The following INTU variants were observed in gnomAD, a reference collection of about 807,000 sequenced individuals.
The protein encoded by INTU is protein inturned.
Under a neutral mutation model 100.5 loss-of-function variants are expected in INTU, and 68 were observed. That is an observed-to-expected ratio of 0.68 (90% CI 0.56 to 0.83). The LOEUF is 0.83. Ranked by LOEUF, INTU falls within the 40% of genes least tolerant of loss-of-function variation. INTU has a pLI of 0.00. For missense variants in INTU, 1,071 were observed against 1,114.7 expected (o/e 0.96, Z 0.56); for synonymous variants, 357 against 395.7 (o/e 0.90, Z 1.16).
chr4:127,719,318 C>T lies in INTU; in HGVS notation c.*2882C>T, dbSNP rs1440582811. ...TGCATATGTTGAACCAGCCTCACAT[C>T]CCGGGAATGAAGCCAACTTGATCGT... On this transcript the variant is annotated 3_prime_UTR_variant, in exon 16 of 16. Coordinates refer to ENST00000335251, the MANE Select transcript of INTU (RefSeq NM_015693.4). 1 of 152,208 alleles carries T rather than the reference C, an allele frequency of 6.6e-6. No individual in the cohort carries two copies. Among genetic ancestry groups the T allele is most frequent in the Non-Finnish European group, 1.5e-5 (1 of 68,044 alleles). The allele number at this position is 152,208 out of a possible 1,614,324, so 9.4% of individuals were successfully genotyped here. A position where few individuals can be genotyped will look rare whatever the true frequency, so the allele number is the denominator to read the frequency against.
chr4:127,670,191 TC>T (rs1006167936), intron 5 of INTU, among the ~76,000 whole-genome samples: 1 of 151,908 alleles, frequency 6.6e-6, no homozygotes, highest in African/African-American at 2.4e-5. Context: ...AAACAATTTT[TC>T]TTCCTTATTA....
intron 7 of INTU, 105 bp from the exon 8 acceptor site, chr4:127,687,573 G>A: frequency 1.3e-6 from 1 of 791,714 alleles, no homozygotes; most frequent in South Asian, 1.9e-5. Context: ...GAGGAGTGAG[G>A]AAGATAGCCT....
At chr4:127,689,203 C>G (rs1329383581) in intron 8 of INTU, among the ~76,000 whole-genome samples, 4 of 151,758 alleles carry the variant, frequency 2.6e-5, no homozygotes, top group Non-Finnish European at 5.9e-5. Context: ...AGGCTGGTCT[C>G]GAACTCCTGA....
At chr4:127,671,662 C>T (rs531870361) in intron 5 of INTU, among the ~76,000 whole-genome samples, 31 of 151,992 alleles carry the variant, frequency 2.0e-4, no homozygotes, top group African/African-American at 7.0e-4. Context: ...TACCTGCACT[C>T]ATATATTTAT....
chr4:127,700,993 C>T (rs892117010), intron 9 of INTU, among the ~76,000 whole-genome samples: 2 of 152,086 alleles, frequency 1.3e-5, no homozygotes, highest in African/African-American at 4.8e-5. Flanking sequence ...GGAATATCAC[C>T]ATTTTGCAGT....
intron 2 of INTU, among the ~76,000 whole-genome samples, chr4:127,647,094 A>G (rs955033610): frequency 1.3e-5 from 2 of 152,172 alleles, no homozygotes; most frequent in Non-Finnish European, 2.9e-5. Flanking sequence ...ACCTCCAGAT[A>G]CACCTTGTGT....
At chr4:127,692,767 C>T (rs770772199) in intron 8 of INTU, among the ~76,000 whole-genome samples, 2 of 151,996 alleles carry the variant, frequency 1.3e-5, no homozygotes, top group African/African-American at 2.4e-5. Flanking sequence ...TTGTATAAGG[C>T]TGAGAGATCA....
intron 7 of INTU, chr4:127,687,437 G>A: frequency 3.9e-6 from 1 of 256,128 alleles, no homozygotes; most frequent in Admixed American, 5.4e-5. Flanking sequence ...TAGCCCTGTG[G>A]TTCTTCCATA....
chr4:127,657,185 C>G (rs536651231), intron 3 of INTU, among the ~76,000 whole-genome samples: 1 of 151,868 alleles, frequency 6.6e-6, no homozygotes, highest in Admixed American at 6.6e-5. Context: ...AGCTTTTCTC[C>G]TGGACTTTTG....
chr4:127,680,549 C>G (rs1053925165), intron 6 of INTU, among the ~76,000 whole-genome samples: 1 of 108,640 alleles, frequency 9.2e-6, no homozygotes, highest in African/African-American at 3.6e-5. Flanking sequence ...TGACAAAATT[C>G]AACAACCCTT....
chr4:127,684,266 G>A (rs951800216), intron 6 of INTU, 143 bp from the exon 7 acceptor site: 7 of 552,446 alleles, frequency 1.3e-5, no homozygotes, highest in Admixed American at 3.7e-5. Context: ...CATTGAAAGC[G>A]ACCATTTTGT....
chr4:127,683,515 G>A (rs1034861760), intron 6 of INTU, among the ~76,000 whole-genome samples: 1 of 152,140 alleles, frequency 6.6e-6, no homozygotes, highest in Non-Finnish European at 1.5e-5. Flanking sequence ...TGAACTCACA[G>A]CCCTGGGATT....
chr4:127,702,811 C>T (rs755397839), intron 9 of INTU, among the ~76,000 whole-genome samples: 11 of 152,126 alleles, frequency 7.2e-5, no homozygotes, highest in Non-Finnish European at 1.0e-4. Context: ...ATACCCCCAA[C>T]CTCTGGCAAT....
chr4:127,632,997 T>C lies in INTU; in HGVS notation c.-38T>C, dbSNP rs1471336617. On this transcript the variant is annotated 5_prime_UTR_variant, in exon 1 of 16. Coordinates refer to ENST00000335251, the MANE Select transcript of INTU (RefSeq NM_015693.4). ...GCCTTAGCAAGCTATAGCTGCGAGA[T>C]TTGAATTACTCCACTCGTAGCTATT... The C allele has an allele frequency of 6.3e-7, 1 of 1,587,122 alleles. No individual in the cohort carries two copies.
chr4:127,664,946 CATT>C (rs1350680898), intron 4 of INTU, among the ~76,000 whole-genome samples: 2 of 151,762 alleles, frequency 1.3e-5, no homozygotes, highest in East Asian at 1.9e-4. Context: ...TTGCTTGTAT[CATT>C]ATTCTTGCTA....
At chr4:127,646,184 CA>C (rs71587329) in intron 2 of INTU, among the ~76,000 whole-genome samples, 5,092 of 127,428 alleles carry the variant, frequency 0.04, 216 homozygotes, top group African/African-American at 0.13. Flanking sequence ...GACTCTGTCT[CA>C]AAAAAAAAAA....
chr4:127,655,993 C>A (rs58486324), intron 2 of INTU, among the ~76,000 whole-genome samples: 1 of 152,108 alleles, frequency 6.6e-6, no homozygotes, highest in East Asian at 1.9e-4. Context: ...TTTCCAGGTG[C>A]GTCCGTCACC....
intron 3 of INTU, 93 bp downstream of exon 3, chr4:127,656,814 G>A: frequency 1.4e-6 from 1 of 711,188 alleles, no homozygotes; most frequent in East Asian, 2.8e-5. Flanking sequence ...CGTCTGAAAA[G>A]TATCATGTAT....
At chr4:127,655,634 G>A (rs1187103685) in intron 2 of INTU, among the ~76,000 whole-genome samples, 1 of 151,084 alleles carries the variant, frequency 6.6e-6, no homozygotes, top group Admixed American at 6.6e-5. Context: ...AAAGCTGTCA[G>A]ACAGGGACAT....
Sources: gnomAD v4.1 joint callset for allele counts (sites outside exome capture counted in the v4.1 genomes callset) on GRCh38, gnomAD v4.1.1 for gene constraint, MANE v1.5 for transcripts, NCBI Gene and HGNC (gene_info 2026-07-23, HGNC 2026-07-21) for gene names.